ABLIM2: variants seen among roughly 807,000 people sequenced by gnomAD.
The protein encoded by ABLIM2 is actin binding LIM protein family member 2, also known as actin-binding LIM protein 2.
A neutral mutation model predicts 97.7 loss-of-function variants in ABLIM2; 53 were observed. That is an observed-to-expected ratio of 0.54 (90% CI 0.44 to 0.68). The LOEUF is 0.68. Among genes scored for constraint, ABLIM2 ranks in the 30% least tolerant of loss-of-function variants. The pLI is 0.00. For missense variants in ABLIM2, 835 were observed against 867.2 expected (o/e 0.96, Z 0.47); for synonymous variants, 361 against 345.8 (o/e 1.04, Z -0.49).
At position 8,015,338 on chromosome 4, in the gene ABLIM2, G is replaced by A. The variant is rs1768178488; in HGVS notation, c.1423+4280C>T. ...CAGAGCCCCAAAATGCGTCGGCCATGAGGAACCCTCTAGGGAGAGGCTGAG... is the reference window on the plus strand; with the variant it reads ...CAGAGCCCCAAAATGCGTCGGCCATAAGGAACCCTCTAGGGAGAGGCTGAG... On this transcript the variant is annotated intron_variant, in intron 14 of 20. Coordinates refer to ENST00000447017, the MANE Select transcript of ABLIM2 (RefSeq NM_001130083.2). The surrounding 1 kb of genome is among the most constrained non-coding windows in gnomAD (Gnocchi z 4.6). Among the ~76,000 whole-genome samples the A allele has an allele frequency of 6.6e-6, 1 of 152,046 alleles. No individual in the cohort carries two copies. Among genetic ancestry groups the A allele is most frequent in the African/African-American group, 2.4e-5 (1 of 41,384 alleles).
intron 6 of ABLIM2, among the ~76,000 whole-genome samples, chr4:8,063,938 G>A (rs79832055): frequency 1.2e-3 from 176 of 152,164 alleles, no homozygotes; most frequent in Non-Finnish European, 2.0e-3. Flanking sequence ...CTTCCTAGTC[G>A]CTCCATAAAT....
At chr4:8,006,191 GCC>G (rs1460439163) in intron 16 of ABLIM2, among the ~76,000 whole-genome samples, 2 of 152,222 alleles carry the variant, frequency 1.3e-5, no homozygotes, top group African/African-American at 4.8e-5. Flanking sequence ...CGAGGTGAAG[GCC>G]ACATGTGCAG....
chr4:8,063,308 G>T (rs1804671624), intron 6 of ABLIM2, among the ~76,000 whole-genome samples: 1 of 152,202 alleles, frequency 6.6e-6, no homozygotes, highest in African/African-American at 2.4e-5. Context: ...CTTGTGATCT[G>T]CCCCCCTTGG....
Position 8,058,083 on chromosome 4 carries a change from G to A in ABLIM2, c.763+2884C>T, listed in dbSNP as rs891838192. 2.0e-5 allele frequency among the ~76,000 whole-genome samples: 3 copies of A among 152,234 alleles called. No individual in the cohort carries two copies. The highest frequency in any genetic ancestry group is 2.4e-5 in the African/African-American group (1 of 41,472). On this transcript the variant is annotated intron_variant, in intron 7 of 20. Transcript: ENST00000447017. The surrounding 1 kb of genome is among the most constrained non-coding windows in gnomAD (Gnocchi z 4.2). Reference sequence around the variant, plus strand: ...TGGCCTCAGGCCAGTCCTGAAGGGCGCCTTTGTTCCTGAGATGAGGTTACC... The same window carrying A: ...TGGCCTCAGGCCAGTCCTGAAGGGCACCTTTGTTCCTGAGATGAGGTTACC...
intron 14 of ABLIM2, chr4:8,010,447 C>A: frequency 1.0e-6 from 1 of 985,900 alleles, no homozygotes; most frequent in Non-Finnish European, 1.2e-6. Flanking sequence ...GGGCGGCGGG[C>A]TCGGGCCCGT....
rs1399439597 is a variant in ABLIM2, at chr4:7,970,085, G to A, written c.1825-2982C>T. Among the ~76,000 whole-genome samples the A allele has an allele frequency of 6.6e-6, 1 of 152,172 alleles. No homozygotes were observed. The highest frequency in any genetic ancestry group is 2.4e-5 in the African/African-American group (1 of 41,460). ...CGGATGAGATCAAAGGAAAGAAAAA[G>A]GAAAATCATTTCTAGCTTTATCCAA... On this transcript the variant is annotated intron_variant, in intron 20 of 20. Coordinates refer to ENST00000447017, the MANE Select transcript of ABLIM2 (RefSeq NM_001130083.2). This position sits in a 1 kb window ranked among gnomAD's most constrained non-coding sequence, Gnocchi z 5.3.
rs1328599030 is a variant in ABLIM2 at position 8,067,023 on chromosome 4, C to T, written c.676-5969G>A. The T allele has an allele frequency of 5.3e-5, 8 of 152,228 alleles. No individual in the cohort carries two copies. The highest frequency in any genetic ancestry group is 1.9e-4 in the African/African-American group (8 of 41,450). 9.4% of individuals were successfully genotyped at this position (152,228 alleles called of 1,614,324 possible). A position where few individuals can be genotyped will look rare whatever the true frequency, so the allele number is the denominator to read the frequency against. ...CTCAAGTTCATCCTCACAGCAGCCCCTTGGGGTGAACACTCTTGTCTATCC... is the reference window on the plus strand; with the variant it reads ...CTCAAGTTCATCCTCACAGCAGCCCTTTGGGGTGAACACTCTTGTCTATCC... On this transcript the variant is annotated intron_variant, in intron 6 of 20. Transcript: ENST00000447017. The surrounding 1 kb of genome is among the most constrained non-coding windows in gnomAD (Gnocchi z 5.4).
chr4:8,016,716 C>G (rs1489234312), intron 14 of ABLIM2, among the ~76,000 whole-genome samples: 1 of 152,184 alleles, frequency 6.6e-6, no homozygotes, highest in Non-Finnish European at 1.5e-5. Flanking sequence ...AGTAACCTCA[C>G]CAGAAATTCC....
Position 8,004,124 on chromosome 4 carries a change from C to T in ABLIM2, c.1618+3935G>A, listed in dbSNP as rs1759385227. ...TCCCCACCCACCACCTTCCCTTCCA[C>T]AGAAAAGCTGCAGCAGGGTCGCTGT... On this transcript the variant is annotated intron_variant, in intron 16 of 20. Transcript: ENST00000447017. This position sits in a 1 kb window ranked among gnomAD's most constrained non-coding sequence, Gnocchi z 5.9. 6.6e-6 allele frequency among the ~76,000 whole-genome samples: 1 copy of T among 151,918 alleles called. No individual in the cohort carries two copies. Among genetic ancestry groups the T allele is most frequent in the African/African-American group, 2.4e-5 (1 of 41,346 alleles).
chr4:8,029,606 A>AT, intron 11 of ABLIM2, 50 bp downstream of exon 11: 3 of 1,317,598 alleles, frequency 2.3e-6, no homozygotes, highest in East Asian at 3.0e-5. Flanking sequence ...AAAAAAAAAA[A>AT]GGAAAAGGAC....
chr4:8,026,471 T>A (rs971019917), intron 12 of ABLIM2, among the ~76,000 whole-genome samples: 1 of 152,244 alleles, frequency 6.6e-6, no homozygotes, highest in Non-Finnish European at 1.5e-5. Flanking sequence ...CAGGTCTGAA[T>A]GAACCCTGTT....
intron 20 of ABLIM2, among the ~76,000 whole-genome samples, chr4:7,980,960 T>TTTTTC (rs1263708928): frequency 7.0e-6 from 1 of 143,650 alleles, no homozygotes; most frequent in Non-Finnish European, 1.5e-5. Flanking sequence ...TTTTTTTTTT[T>TTTTTC]TGAGATGGAG....
chr4:8,152,324 A>G (rs1269932924), intron 1 of ABLIM2, among the ~76,000 whole-genome samples: 1 of 152,186 alleles, frequency 6.6e-6, no homozygotes, highest in Non-Finnish European at 1.5e-5. Context: ...GCTGCCATTT[A>G]CAAATCACGT....
intron 10 of ABLIM2, among the ~76,000 whole-genome samples, chr4:8,030,798 C>A (rs1482822293): frequency 6.6e-6 from 1 of 152,210 alleles, no homozygotes; most frequent in African/African-American, 2.4e-5. Flanking sequence ...GGGCTTCCAG[C>A]TACATGTGGG....
intron 14 of ABLIM2, among the ~76,000 whole-genome samples, chr4:8,018,229 G>A (rs1770923154): frequency 6.6e-6 from 1 of 152,172 alleles, no homozygotes; most frequent in Non-Finnish European, 1.5e-5. Context: ...AGACAAAATG[G>A]GGGGTTAATA....
In ABLIM2 at chr4:8,069,678, C is replaced by G. The variant is rs527279303; in HGVS notation, c.675+7950G>C. On this transcript the variant is annotated intron_variant, in intron 6 of 20. Transcript: ENST00000447017. The surrounding 1 kb of genome is among the most constrained non-coding windows in gnomAD (Gnocchi z 4.2). ...TGTCTGTGTGCATTTCTGTGTGTCTCTGTGTGTGTTTGTGTGTTGTCTGTG... is the reference window on the plus strand; with the variant it reads ...TGTCTGTGTGCATTTCTGTGTGTCTGTGTGTGTGTTTGTGTGTTGTCTGTG... 1.3e-5 allele frequency among the ~76,000 whole-genome samples: 2 copies of G among 151,872 alleles called. No homozygotes were observed. Among genetic ancestry groups the G allele is most frequent in the African/African-American group, 2.4e-5 (1 of 41,420 alleles).
At chr4:8,049,503 C>T (rs528123941) in intron 8 of ABLIM2, among the ~76,000 whole-genome samples, 2 of 152,120 alleles carry the variant, frequency 1.3e-5, no homozygotes, top group African/African-American at 2.4e-5. Context: ...TGATGGGAAG[C>T]GGGGGTCAGA....
rs542016397 is a variant in ABLIM2 at position 8,061,741 on chromosome 4, C to G, written c.676-687G>C. 6.6e-6 allele frequency among the ~76,000 whole-genome samples: 1 copy of G among 152,040 alleles called. No individual in the cohort carries two copies. The highest frequency in any genetic ancestry group is 2.4e-5 in the African/African-American group (1 of 41,378). On this transcript the variant is annotated intron_variant, in intron 6 of 20. Coordinates refer to ENST00000447017, the MANE Select transcript of ABLIM2 (RefSeq NM_001130083.2). The surrounding 1 kb of genome is among the most constrained non-coding windows in gnomAD (Gnocchi z 4.5). The stretch of plus-strand genomic sequence containing the variant: ...ACCCTGAGGGCACGGCGGGTGCAGC[C>G]TATTGCTAAATGTGGATGCTAAATC...
intron 12 of ABLIM2, among the ~76,000 whole-genome samples, chr4:8,024,883 C>A (rs1197734505): frequency 1.3e-5 from 2 of 152,186 alleles, no homozygotes; most frequent in Non-Finnish European, 2.9e-5. Flanking sequence ...CAGGCTCCCC[C>A]ACACCAGACA....
Sources: allele counts gnomAD v4.1 joint callset (sites outside exome capture counted in the v4.1 genomes callset), GRCh38; gene constraint gnomAD v4.1.1; non-coding constraint Gnocchi (gnomAD v3.1); transcripts MANE v1.5; gene names NCBI Gene and HGNC (gene_info 2026-07-23, HGNC 2026-07-21).